The following SCHIP1 variants were observed in gnomAD, a reference collection of about 807,000 sequenced individuals.
The protein encoded by SCHIP1 is schwannomin interacting protein 1.
Under a neutral mutation model 29.7 loss-of-function variants are expected in SCHIP1, and 8 were observed. The observed-to-expected ratio is 0.27, with a 90% confidence interval of 0.16 to 0.49. The LOEUF is 0.49. Ranked by LOEUF, SCHIP1 falls within the 20% of genes least tolerant of loss-of-function variation. The pLI is 0.99. For missense variants in SCHIP1, 193 were observed against 294.6 expected (o/e 0.66, Z 2.52); for synonymous variants, 76 against 94.9 (o/e 0.80, Z 1.16).
the SCHIP1 span, among the ~76,000 whole-genome samples, chr3:159,506,922 T>C: frequency 6.6e-6 from 1 of 152,230 alleles, no homozygotes. Flanking sequence ...CTTTGTTTTT[T>C]GGCTTAGCAT....
the SCHIP1 span, among the ~76,000 whole-genome samples, chr3:159,421,119 G>A: frequency 6.6e-6 from 1 of 152,134 alleles, no homozygotes; most frequent in Admixed American, 6.5e-5. Context: ...TTCCCCCTAT[G>A]ATCCTGCATT....
the SCHIP1 span, among the ~76,000 whole-genome samples, chr3:159,707,280 G>A: frequency 2.0e-5 from 3 of 152,098 alleles, no homozygotes; most frequent in African/African-American, 4.8e-5. Context: ...AAGCAATATG[G>A]TATAATCATT....
the SCHIP1 span, among the ~76,000 whole-genome samples, chr3:159,389,396 T>C: frequency 1.3e-5 from 2 of 151,986 alleles, no homozygotes; most frequent in East Asian, 1.9e-4. Context: ...GAATATGAAG[T>C]GTTAGCAAGG....
At chr3:159,534,646 C>G in the SCHIP1 span, among the ~76,000 whole-genome samples, 1 of 152,080 alleles carries the variant, frequency 6.6e-6, no homozygotes, top group African/African-American at 2.4e-5. Flanking sequence ...TATATGACTT[C>G]CTGACACGTT....
the SCHIP1 span, among the ~76,000 whole-genome samples, chr3:159,353,247 G>A: frequency 6.6e-6 from 1 of 151,920 alleles, no homozygotes; most frequent in African/African-American, 2.4e-5. Context: ...CACCAACATG[G>A]CACATGTATA....
At chr3:159,469,877 T>C in the SCHIP1 span, among the ~76,000 whole-genome samples, 1 of 152,162 alleles carries the variant, frequency 6.6e-6, no homozygotes, top group Non-Finnish European at 1.5e-5. Context: ...TCAATTCCCC[T>C]TGTTAATATA....
chr3:159,799,163 T>G, the SCHIP1 span, among the ~76,000 whole-genome samples: 81 of 152,318 alleles, frequency 5.3e-4, no homozygotes, highest in African/African-American at 1.9e-3. Flanking sequence ...GTTTGCAAAT[T>G]TCGTCTCCTC....
At chr3:159,321,605 T>A in the SCHIP1 span, among the ~76,000 whole-genome samples, 1 of 152,130 alleles carries the variant, frequency 6.6e-6, no homozygotes, top group South Asian at 2.1e-4. Context: ...AGGGTACATG[T>A]GCACAATGTG....
the SCHIP1 span, among the ~76,000 whole-genome samples, chr3:159,390,555 C>T: frequency 6.6e-6 from 1 of 151,958 alleles, no homozygotes; most frequent in Admixed American, 6.6e-5. Flanking sequence ...TTCTAGTGAA[C>T]TTATTTAAAA....
At chr3:159,594,359 C>T in the SCHIP1 span, among the ~76,000 whole-genome samples, 2 of 152,148 alleles carry the variant, frequency 1.3e-5, no homozygotes, top group Non-Finnish European at 2.9e-5. Flanking sequence ...GGTTAATTGC[C>T]TTCGGACACT....
chr3:159,377,012 C>T, the SCHIP1 span, among the ~76,000 whole-genome samples: 1 of 152,290 alleles, frequency 6.6e-6, no homozygotes, highest in African/African-American at 2.4e-5. Flanking sequence ...ATTGTAATAC[C>T]GAAGTTGAAT....
chr3:159,751,159 C>T, the SCHIP1 span, among the ~76,000 whole-genome samples: 1 of 152,228 alleles, frequency 6.6e-6, no homozygotes, highest in Non-Finnish European at 1.5e-5. Flanking sequence ...CATTGTTGTG[C>T]ATTCATCCTT....
chr3:159,675,954 A>C, the SCHIP1 span, among the ~76,000 whole-genome samples: 2 of 151,946 alleles, frequency 1.3e-5, no homozygotes, highest in Non-Finnish European at 2.9e-5. Flanking sequence ...CAACATGGAG[A>C]AACTCCGTCT....
chr3:159,425,171 G>A, the SCHIP1 span, among the ~76,000 whole-genome samples: 1 of 151,734 alleles, frequency 6.6e-6, no homozygotes, highest in Non-Finnish European at 1.5e-5. Flanking sequence ...ATAATGACAG[G>A]ATCAAATTCA....
the SCHIP1 span, among the ~76,000 whole-genome samples, chr3:159,320,500 A>G: frequency 2.0e-4 from 31 of 152,280 alleles, no homozygotes; most frequent in East Asian, 4.8e-3. Context: ...CACTTTGGCT[A>G]CCTGGTTCTG....
the SCHIP1 span, among the ~76,000 whole-genome samples, chr3:159,557,554 A>T: frequency 6.6e-6 from 1 of 152,204 alleles, no homozygotes; most frequent in African/African-American, 2.4e-5. Flanking sequence ...GCTGGCTCGC[A>T]CTTGTAATCC....
chr3:159,290,104 T>A, the SCHIP1 span, among the ~76,000 whole-genome samples: 3 of 152,130 alleles, frequency 2.0e-5, no homozygotes. Flanking sequence ...GGGAACTAAG[T>A]AATTTAGAAT....
At chr3:159,376,977 T>C in the SCHIP1 span, among the ~76,000 whole-genome samples, 5 of 152,238 alleles carry the variant, frequency 3.3e-5, no homozygotes, top group African/African-American at 1.2e-4. Flanking sequence ...AAGCTTGGAT[T>C]CTCTCTTCAC....
At chr3:159,445,936 T>A in the SCHIP1 span, among the ~76,000 whole-genome samples, 2 of 149,518 alleles carry the variant, frequency 1.3e-5, no homozygotes, top group African/African-American at 4.9e-5. Flanking sequence ...AAATGATGAG[T>A]TAATGGGTGC....
Sources: gnomAD v4.1 joint callset for allele counts (sites outside exome capture counted in the v4.1 genomes callset) on GRCh38, gnomAD v4.1.1 for gene constraint, MANE v1.5 for transcripts, NCBI Gene and HGNC (gene_info 2026-07-23, HGNC 2026-07-21) for gene names.